VKORC1L1: variants seen among roughly 807,000 people sequenced by gnomAD.
VKORC1L1 encodes vitamin K epoxide reductase complex subunit 1L1.
A neutral mutation model predicts 18.9 loss-of-function variants in VKORC1L1; 2 were observed. The observed-to-expected ratio is 0.11, with a 90% CI of 0.04 to 0.33. The LOEUF is 0.33. Among genes scored for constraint, VKORC1L1 ranks in the 10% least tolerant of loss-of-function variants. The pLI is 1.00. For synonymous variants in VKORC1L1, 96 were observed against 100.0 expected (o/e 0.96, Z 0.24); for missense variants, 123 against 224.1 (o/e 0.55, Z 2.88).
In VKORC1L1 at chr7:65,922,745, T is replaced by C. The variant is rs140725911; in HGVS notation, c.195-25926T>C. Among the ~76,000 whole-genome samples, 828 of 152,318 alleles carry C rather than the reference T, an allele frequency of 5.4e-3. 7 individuals are homozygous for C. The highest frequency in any genetic ancestry group is 8.7e-3 in the Non-Finnish European group (589 of 68,022). ...TTGATTGTCTTTTGGCTTTCTTTCCTTCTGTTGGTATTAGCTGTCAGTCTT... is the reference window on the plus strand; with the variant it reads ...TTGATTGTCTTTTGGCTTTCTTTCCCTCTGTTGGTATTAGCTGTCAGTCTT... On this transcript the variant is annotated intron_variant, in intron 1 of 2. Transcript: ENST00000360768.
chr7:65,917,799 A>T (rs774624477), intron 1 of VKORC1L1, among the ~76,000 whole-genome samples: 5 of 152,238 alleles, frequency 3.3e-5, no homozygotes, highest in Non-Finnish European at 7.3e-5. Flanking sequence ...CAAAATACAC[A>T]TACAATGAAA....
At chr7:65,866,918 T>C in the VKORC1L1 span, among the ~76,000 whole-genome samples, 2 of 152,050 alleles carry the variant, frequency 1.3e-5, no homozygotes, top group South Asian at 4.2e-4. Flanking sequence ...GAGCTGGGTG[T>C]GGTGGCTCAT....
intron 2 of VKORC1L1, among the ~76,000 whole-genome samples, chr7:65,951,207 T>C (rs753130813): frequency 3.3e-5 from 5 of 152,220 alleles, no homozygotes; most frequent in Non-Finnish European, 5.9e-5. Flanking sequence ...GCATCTGTAC[T>C]CCCTTCTAAC....
chr7:65,935,893 T>C (rs2115683171), intron 1 of VKORC1L1, among the ~76,000 whole-genome samples: 1 of 152,300 alleles, frequency 6.6e-6, no homozygotes, highest in East Asian at 1.9e-4. Flanking sequence ...CTTCCAGAAG[T>C]CCAGTGAAAT....
upstream of VKORC1L1, among the ~76,000 whole-genome samples, chr7:65,870,436 T>A (rs6944226): frequency 0.31 from 46,573 of 150,924 alleles, 8,551 homozygotes; most frequent in East Asian, 0.46. Context: ...GTCTCAAATT[T>A]AAAAATAAAA....
chr7:65,902,112 G>A (rs1026042855), intron 1 of VKORC1L1, among the ~76,000 whole-genome samples: 2 of 152,148 alleles, frequency 1.3e-5, no homozygotes, highest in Non-Finnish European at 2.9e-5. Flanking sequence ...AAAACTCATA[G>A]TGTTTGGCAT....
intron 1 of VKORC1L1, among the ~76,000 whole-genome samples, chr7:65,940,604 G>C (rs1318918055): frequency 1.3e-5 from 2 of 152,192 alleles, no homozygotes; most frequent in Non-Finnish European, 2.9e-5. Context: ...ATGTCATCCA[G>C]AGTGCTCCAG....
intron 1 of VKORC1L1, among the ~76,000 whole-genome samples, chr7:65,937,524 G>A (rs1019083578): frequency 6.6e-6 from 1 of 152,146 alleles, no homozygotes; most frequent in South Asian, 2.1e-4. Context: ...CTCCCTAGTA[G>A]CTAGGACTAC....
chr7:65,908,814 G>A (rs1471290325), intron 1 of VKORC1L1, among the ~76,000 whole-genome samples: 7 of 133,996 alleles, frequency 5.2e-5, no homozygotes, highest in African/African-American at 2.1e-4. Context: ...TCTAGCCTGG[G>A]TGACAAAGCA....
chr7:65,877,767 T>C (rs533003022), intron 1 of VKORC1L1, among the ~76,000 whole-genome samples: 2 of 152,296 alleles, frequency 1.3e-5, no homozygotes, highest in South Asian at 4.2e-4. Context: ...CAAATCTATG[T>C]TTCTTAAAAC....
chr7:65,918,548 G>A (rs1250482965), intron 1 of VKORC1L1, among the ~76,000 whole-genome samples: 1 of 152,148 alleles, frequency 6.6e-6, no homozygotes, highest in African/African-American at 2.4e-5. Flanking sequence ...TGAATGGTTG[G>A]GATGATCTTC....
chr7:65,949,758 T>G (rs1790182863), intron 2 of VKORC1L1, among the ~76,000 whole-genome samples: 1 of 152,172 alleles, frequency 6.6e-6, no homozygotes, highest in Non-Finnish European at 1.5e-5. Context: ...CACTCCAGCC[T>G]GGGGGTCAGA....
rs370356956 is a variant in VKORC1L1, at chr7:65,895,516, T to TATACACACAC, written c.194+21952_194+21953insTACACACACA. ...ATATATATATATATATATATATATA[T>TATACACACAC]ACACACACACACACACACACACATA... On this transcript the variant is annotated intron_variant, in intron 1 of 2. Coordinates refer to ENST00000360768, the MANE Select transcript of VKORC1L1 (RefSeq NM_173517.6). 1.2e-3 allele frequency among the ~76,000 whole-genome samples: 85 copies of TATACACACAC among 71,524 alleles called. 1 individual carries two copies. The highest frequency in any genetic ancestry group is 3.9e-3 in the East Asian group (7 of 1,808). 46.9% of individuals were successfully genotyped at this position (71,524 alleles called of 152,430 possible). A position where few individuals can be genotyped will look rare whatever the true frequency, so the allele number is the denominator to read the frequency against.
chr7:65,882,236 G>A (rs1339304088), intron 1 of VKORC1L1, among the ~76,000 whole-genome samples: 1 of 151,568 alleles, frequency 6.6e-6, no homozygotes, highest in Admixed American at 6.6e-5. Context: ...AAAATTAGTC[G>A]GGCATGGTGG....
At chr7:65,929,680 G>GTATATATATATATATATA (rs150255530) in intron 1 of VKORC1L1, among the ~76,000 whole-genome samples, 1,498 of 103,256 alleles carry the variant, frequency 0.015, 26 homozygotes, top group Admixed American at 0.043. Flanking sequence ...ATGTGTGTGT[G>GTATATATATATATATATA]TGTATATATA....
chr7:65,875,273 A>G (rs1289940800), intron 1 of VKORC1L1, among the ~76,000 whole-genome samples: 1 of 152,208 alleles, frequency 6.6e-6, no homozygotes, highest in Non-Finnish European at 1.5e-5. Context: ...CTTGTTTTGC[A>G]GGTAGTTTAT....
chr7:65,911,869 T>G (rs1343520433), intron 1 of VKORC1L1, among the ~76,000 whole-genome samples: 1 of 152,356 alleles, frequency 6.6e-6, no homozygotes, highest in South Asian at 2.1e-4. Context: ...GATTGTATCA[T>G]TCTTAGAAAG....
At chr7:65,868,082 G>A (rs1191403100), upstream of VKORC1L1, among the ~76,000 whole-genome samples, 7 of 152,134 alleles carry the variant, frequency 4.6e-5, no homozygotes, top group Admixed American at 3.3e-4. Flanking sequence ...CCTGACCTCA[G>A]GTGATTCACC....
chr7:65,908,801 C>T (rs1031094830), intron 1 of VKORC1L1, among the ~76,000 whole-genome samples: 11 of 141,780 alleles, frequency 7.8e-5, no homozygotes, highest in African/African-American at 2.4e-4. Flanking sequence ...CGTGCCAGTG[C>T]ACTCTAGCCT....
Sources: gnomAD v4.1 joint callset for allele counts (sites outside exome capture counted in the v4.1 genomes callset) on GRCh38, gnomAD v4.1.1 for gene constraint, MANE v1.5 for transcripts, NCBI Gene and HGNC (gene_info 2026-07-23, HGNC 2026-07-21) for gene names.